Variants in PTCHD4 observed in about 807,000 individuals in gnomAD.
PTCHD4 encodes the protein patched domain containing 4, also known as patched domain-containing protein 4.
PTCHD4 carries 33 observed loss-of-function variants against 58.1 expected under a neutral mutation model. The observed-to-expected ratio is 0.57, with a 90% CI of 0.43 to 0.76. PTCHD4 has a LOEUF of 0.76. Among genes scored for constraint, PTCHD4 ranks in the 30% least tolerant of loss-of-function variants. PTCHD4 has a pLI of 0.00. For synonymous variants in PTCHD4, 478 were observed against 409.6 expected (o/e 1.17, Z -2.02); for missense variants, 1,058 against 1,027.1 (o/e 1.03, Z -0.41).
intron 1 of PTCHD4, among the ~76,000 whole-genome samples, chr6:48,101,081 GA>G (rs1303475228): frequency 1.3e-5 from 2 of 151,618 alleles, no homozygotes; most frequent in African/African-American, 4.8e-5. Flanking sequence ...AAGAAAAAAG[GA>G]AAAAAGAAAC....
chr6:47,966,631 C>A (rs984962008), intron 4 of PTCHD4, among the ~76,000 whole-genome samples: 1 of 152,200 alleles, frequency 6.6e-6, no homozygotes, highest in Non-Finnish European at 1.5e-5. Context: ...TAAACCTTTC[C>A]ACTGCTTTCT....
At chr6:47,966,883 C>G (rs536108412) in intron 4 of PTCHD4, among the ~76,000 whole-genome samples, 7 of 152,280 alleles carry the variant, frequency 4.6e-5, no homozygotes, top group Non-Finnish European at 1.0e-4. Flanking sequence ...TCCACCACAT[C>G]TAGAGTTGCT....
rs77553921 is a variant in PTCHD4, at chr6:47,995,857, C to T, written c.898+12777G>A. On this transcript the variant is annotated intron_variant, in intron 4 of 4. Coordinates refer to ENST00000339488, the MANE Select transcript of PTCHD4 (RefSeq NM_001384253.1). ...AAAATATTTGATGGACGTGCAGCCA[C>T]CCATGCTATGAAACACATTTAGTTC... 1.6e-3 allele frequency among the ~76,000 whole-genome samples: 247 copies of T among 152,242 alleles called. 1 individual carries two copies. Among genetic ancestry groups the T allele is most frequent in the African/African-American group, 5.8e-3 (241 of 41,538 alleles).
At chr6:48,079,786 C>G (rs1163897834) in intron 1 of PTCHD4, among the ~76,000 whole-genome samples, 1 of 151,780 alleles carries the variant, frequency 6.6e-6, no homozygotes, top group African/African-American at 2.4e-5. Flanking sequence ...ACCTCTCCAC[C>G]TCCATGGCAA....
chr6:47,882,958 C>T (rs1478283988), intron 4 of PTCHD4, among the ~76,000 whole-genome samples: 1 of 151,304 alleles, frequency 6.6e-6, no homozygotes, highest in African/African-American at 2.4e-5. Flanking sequence ...CCAAAAGATG[C>T]CCATTAACTT....
intron 4 of PTCHD4, among the ~76,000 whole-genome samples, chr6:47,997,330 A>G (rs75400628): frequency 0.13 from 20,038 of 151,866 alleles, 1,553 homozygotes; most frequent in South Asian, 0.21. Context: ...ATTTTCCTTC[A>G]TTACTTGGCT....
Position 47,872,360 on chromosome 6 carries a change from G to A in PTCHD4, c.*5943C>T, listed in dbSNP as rs1388227812. Among the ~76,000 whole-genome samples, 1 of 151,570 alleles carries A rather than the reference G, an allele frequency of 6.6e-6. No individual in the cohort carries two copies. On this transcript the variant is annotated 3_prime_UTR_variant, in exon 5 of 5. Transcript: ENST00000339488. ...CCCTCTGGTTTGACAGAGCCTTGTGGGCAATGTGCTTACTCTACAAACTGT... is the reference window on the plus strand; with the variant it reads ...CCCTCTGGTTTGACAGAGCCTTGTGAGCAATGTGCTTACTCTACAAACTGT...
intron 3 of PTCHD4, among the ~76,000 whole-genome samples, chr6:48,045,403 A>G (rs952212664): frequency 6.6e-6 from 1 of 151,806 alleles, no homozygotes; most frequent in African/African-American, 2.4e-5. Flanking sequence ...TCAGGTTTTG[A>G]TTATTCTAGC....
At position 47,869,585 on chromosome 6, in the gene PTCHD4, A is replaced by G. The variant is rs1484706840; in HGVS notation, c.*8718T>C. Among the ~76,000 whole-genome samples, 1 of 151,660 alleles carries G rather than the reference A, an allele frequency of 6.6e-6. No individual in the cohort carries two copies. The highest frequency in any genetic ancestry group is 1.5e-5 in the Non-Finnish European group (1 of 67,736). Reference sequence around the variant, plus strand: ...GTGTTTTAGAGACATTTGTGAACTTAGGGATTCATAAAAATATCTCTCAGG... The same window carrying G: ...GTGTTTTAGAGACATTTGTGAACTTGGGGATTCATAAAAATATCTCTCAGG... On this transcript the variant is annotated 3_prime_UTR_variant, in exon 5 of 5. Transcript: ENST00000339488.
At chr6:47,897,940 C>CTT (rs67063892) in intron 4 of PTCHD4, among the ~76,000 whole-genome samples, 425 of 76,332 alleles carry the variant, frequency 5.6e-3, no homozygotes, top group African/African-American at 6.8e-3. Flanking sequence ...TTCTTTCTTT[C>CTT]TTTTTTTTTT....
rs1330755256 is a variant in PTCHD4, at chr6:47,864,197, CT to C, written c.*14105del. ...CTCCAGATCTATTGAATCAGAACCT[CT>C]GGAGATGGGGATATGCAGGCTGTGC... On this transcript the variant is annotated 3_prime_UTR_variant, in exon 5 of 5. Transcript: ENST00000339488. Among the ~76,000 whole-genome samples the C allele has an allele frequency of 3.3e-5, 5 of 151,922 alleles. No individual in the cohort carries two copies. Among genetic ancestry groups the C allele is most frequent in the Admixed American group, 2.6e-4 (4 of 15,222 alleles).
At chr6:48,083,003 G>A (rs1021455372) in intron 1 of PTCHD4, among the ~76,000 whole-genome samples, 3 of 151,174 alleles carry the variant, frequency 2.0e-5, no homozygotes, top group Non-Finnish European at 4.4e-5. Context: ...CTAAATATAA[G>A]CATATAAATA....
At chr6:48,001,744 C>A (rs1441826286) in intron 4 of PTCHD4, among the ~76,000 whole-genome samples, 2 of 152,046 alleles carry the variant, frequency 1.3e-5, no homozygotes, top group South Asian at 2.1e-4. Context: ...GCAACAAAAG[C>A]CAAAATTGAC....
At chr6:47,954,873 C>G (rs1044415278) in intron 4 of PTCHD4, among the ~76,000 whole-genome samples, 1 of 152,128 alleles carries the variant, frequency 6.6e-6, no homozygotes. Flanking sequence ...GATTTTGAGA[C>G]TAGGTCATAA....
intron 1 of PTCHD4, among the ~76,000 whole-genome samples, chr6:48,109,449 A>G (rs888155065): frequency 1.3e-5 from 2 of 152,162 alleles, no homozygotes; most frequent in African/African-American, 4.8e-5. Context: ...TATTTTAGTG[A>G]GACCTGGAAC....
chr6:47,988,832 G>A (rs1242430912), intron 4 of PTCHD4, among the ~76,000 whole-genome samples: 1 of 152,156 alleles, frequency 6.6e-6, no homozygotes, highest in Non-Finnish European at 1.5e-5. Flanking sequence ...TGTGAAAATG[G>A]ACTAATTCAG....
chr6:48,057,184 T>G (rs564229924), intron 3 of PTCHD4, among the ~76,000 whole-genome samples: 1 of 151,446 alleles, frequency 6.6e-6, no homozygotes. Context: ...TTTTTTGTTT[T>G]TTTTTGTTTT....
chr6:48,070,948 C>T (rs972657630), intron 1 of PTCHD4, among the ~76,000 whole-genome samples: 5 of 152,136 alleles, frequency 3.3e-5, no homozygotes. Context: ...TTTTTAATAG[C>T]CTTTATGCAA....
At chr6:48,104,455 TA>T (rs1484887463) in intron 1 of PTCHD4, among the ~76,000 whole-genome samples, 2 of 152,096 alleles carry the variant, frequency 1.3e-5, no homozygotes, top group African/African-American at 4.8e-5. Flanking sequence ...AAGGAAGCAC[TA>T]AACATGGAAA....
Sources: allele counts gnomAD v4.1 joint callset (sites outside exome capture counted in the v4.1 genomes callset), GRCh38; gene constraint gnomAD v4.1.1; transcripts MANE v1.5; gene names NCBI Gene and HGNC (gene_info 2026-07-23, HGNC 2026-07-21).